The following CIMIP4 variants were observed in gnomAD, a reference collection of about 807,000 sequenced individuals.
CIMIP4 encodes the protein ciliary microtubule inner protein 4, also known as protein EAN57.
the CIMIP4 span, among the ~76,000 whole-genome samples, chr22:37,005,654 A>T: frequency 6.7e-4 from 102 of 152,088 alleles, no homozygotes; most frequent in Non-Finnish European, 7.9e-4. Flanking sequence ...TGGAAGAAAG[A>T]CCCTTGTTAT....
the CIMIP4 span, among the ~76,000 whole-genome samples, chr22:36,994,024 T>G: frequency 1.4e-4 from 22 of 152,260 alleles, no homozygotes; most frequent in Middle Eastern, 6.8e-3. Context: ...TGAAATAGAC[T>G]GTAGGGCAAC....
At chr22:36,996,245 T>A in the CIMIP4 span, among the ~76,000 whole-genome samples, 1 of 152,134 alleles carries the variant, frequency 6.6e-6, no homozygotes. Context: ...ATACTATGCA[T>A]AAATGTAGCC....
At chr22:36,998,131 C>T in the CIMIP4 span, among the ~76,000 whole-genome samples, 1 of 152,078 alleles carries the variant, frequency 6.6e-6, no homozygotes, top group Admixed American at 6.6e-5. Context: ...GGGACATGGA[C>T]ATTTTTAAAA....
At chr22:37,005,520 G>A in the CIMIP4 span, among the ~76,000 whole-genome samples, 1 of 150,732 alleles carries the variant, frequency 6.6e-6, no homozygotes, top group East Asian at 2.0e-4. Context: ...ATTTTGAGAA[G>A]CATGATAGAA....
the CIMIP4 span, among the ~76,000 whole-genome samples, chr22:36,994,787 C>T: frequency 6.4e-4 from 97 of 152,096 alleles, no homozygotes; most frequent in African/African-American, 1.9e-3. Context: ...CCCGCCACCG[C>T]GCCCGGCTAA....
the CIMIP4 span, among the ~76,000 whole-genome samples, chr22:36,992,734 T>C: frequency 6.6e-6 from 1 of 151,970 alleles, no homozygotes; most frequent in Admixed American, 6.6e-5. Context: ...ACAGATAAAA[T>C]AGCAGATCAA....
the CIMIP4 span, chr22:37,000,012 A>T: frequency 2.9e-5 from 47 of 1,596,484 alleles, no homozygotes; most frequent in Non-Finnish European, 3.9e-5. Context: ...GATGACAGAC[A>T]GGGGATGGAA....
chr22:37,006,670 T>G, the CIMIP4 span, among the ~76,000 whole-genome samples: 1 of 152,180 alleles, frequency 6.6e-6, no homozygotes, highest in Non-Finnish European at 1.5e-5. Flanking sequence ...TAGGAGGGGA[T>G]GACTATATTT....
the CIMIP4 span, among the ~76,000 whole-genome samples, chr22:37,002,896 GCCACC>G: frequency 6.6e-6 from 1 of 152,178 alleles, no homozygotes; most frequent in East Asian, 1.9e-4. Flanking sequence ...CACCATCCCA[GCCACC>G]TCCCAGGCTC....
chr22:37,005,146 T>C, the CIMIP4 span, among the ~76,000 whole-genome samples: 1 of 152,138 alleles, frequency 6.6e-6, no homozygotes, highest in East Asian at 1.9e-4. Context: ...ATAGAAGCCC[T>C]GAGTCCAACA....
At chr22:36,993,832 A>G in the CIMIP4 span, among the ~76,000 whole-genome samples, 15 of 152,248 alleles carry the variant, frequency 9.9e-5, no homozygotes, top group African/African-American at 3.6e-4. Flanking sequence ...ACGAGAATCA[A>G]TATGAACGAA....
chr22:37,006,739 G>T, the CIMIP4 span, among the ~76,000 whole-genome samples: 66,961 of 152,028 alleles, frequency 0.44, 14,874 homozygotes, highest in East Asian at 0.53. Context: ...GCAGGCAGTT[G>T]ACATGGCTCC....
chr22:37,002,156 C>T, the CIMIP4 span: 10 of 1,519,260 alleles, frequency 6.6e-6, no homozygotes, highest in South Asian at 1.1e-4. Context: ...GCCTTGAGCG[C>T]TGGCTCCCAG....
the CIMIP4 span, among the ~76,000 whole-genome samples, chr22:37,005,142 G>A: frequency 6.6e-6 from 1 of 152,248 alleles, no homozygotes; most frequent in South Asian, 2.1e-4. Flanking sequence ...AAGAATAGAA[G>A]CCCTGAGTCC....
At chr22:36,991,221 C>A in the CIMIP4 span, 3 of 1,614,088 alleles carry the variant, frequency 1.9e-6, no homozygotes, top group Non-Finnish European at 2.5e-6. Context: ...CTCCATATTT[C>A]TCTTCCAGTG....
the CIMIP4 span, chr22:36,999,952 G>A: frequency 6.2e-7 from 1 of 1,613,620 alleles, no homozygotes; most frequent in Non-Finnish European, 8.5e-7. Context: ...CCCTTTTCTG[G>A]CCCTCGAAGA....
chr22:37,005,335 T>A, the CIMIP4 span, among the ~76,000 whole-genome samples: 1 of 152,316 alleles, frequency 6.6e-6, no homozygotes, highest in Non-Finnish European at 1.5e-5. Context: ...TCTGAGATCA[T>A]AAATTTGTAC....
At chr22:37,002,314 C>A in the CIMIP4 span, 7 of 1,264,674 alleles carry the variant, frequency 5.5e-6, no homozygotes, top group South Asian at 2.5e-5. Flanking sequence ...CTGAGCAGGA[C>A]AAAGAGAAAC....
the CIMIP4 span, among the ~76,000 whole-genome samples, chr22:36,999,208 G>C: frequency 6.6e-6 from 1 of 150,740 alleles, no homozygotes. Flanking sequence ...TGTAATCCCA[G>C]CACTTTGAGA....
Sources: allele counts gnomAD v4.1 joint callset (sites outside exome capture counted in the v4.1 genomes callset), GRCh38; gene constraint gnomAD v4.1.1; transcripts MANE v1.5; gene names NCBI Gene and HGNC (gene_info 2026-07-23, HGNC 2026-07-21).